The following TSPAN9 variants were observed in gnomAD, a reference collection of about 807,000 sequenced individuals.
TSPAN9 encodes tetraspanin 9.
TSPAN9 carries 16 observed loss-of-function variants against 31.0 expected under a neutral mutation model. That is an observed-to-expected ratio of 0.52 (90% CI 0.35 to 0.78). The LOEUF (loss-of-function observed/expected upper bound fraction) is 0.78, where lower values mean the gene tolerates loss of function less well. Ranked by LOEUF, TSPAN9 falls within the 30% of genes least tolerant of loss-of-function variation. The pLI is 0.01. For missense variants in TSPAN9, 272 were observed against 312.5 expected (o/e 0.87, Z 0.98); for synonymous variants, 145 against 121.6 (o/e 1.19, Z -1.27).
At chr12:3,242,826 T>C (rs1217587809) in intron 3 of TSPAN9, among the ~76,000 whole-genome samples, 2 of 152,254 alleles carry the variant, frequency 1.3e-5, no homozygotes, top group Non-Finnish European at 2.9e-5. Flanking sequence ...TTCTGGTTTC[T>C]TTCCTCCCAG....
intron 2 of TSPAN9, among the ~76,000 whole-genome samples, chr12:3,109,221 C>T (rs1318553863): frequency 6.7e-6 from 1 of 150,048 alleles, no homozygotes; most frequent in Non-Finnish European, 1.5e-5. Flanking sequence ...CAGGTGTGAG[C>T]CACCGCTCCT....
chr12:3,153,149 T>C (rs892671459), intron 2 of TSPAN9, among the ~76,000 whole-genome samples: 1 of 152,210 alleles, frequency 6.6e-6, no homozygotes, highest in Non-Finnish European at 1.5e-5. Context: ...TCCTTGTGCC[T>C]TACCCCTGTG....
chr12:3,093,776 C>A (rs998513898), intron 2 of TSPAN9, among the ~76,000 whole-genome samples: 5 of 152,192 alleles, frequency 3.3e-5, no homozygotes, highest in Non-Finnish European at 7.3e-5. Flanking sequence ...CTGGTGGAAC[C>A]CCTGCCGTTA....
Position 3,082,238 on chromosome 12 carries a change from G to T in TSPAN9, c.-84-1415G>T, listed in dbSNP as rs1184404536. Among the ~76,000 whole-genome samples, 3 of 152,192 alleles carry T rather than the reference G, an allele frequency of 2.0e-5. No individual in the cohort carries two copies. The East Asian group carries it at 5.8e-4, about 29-fold the overall frequency. On this transcript the variant is annotated intron_variant, in intron 1 of 8. Coordinates refer to ENST00000011898, the MANE Select transcript of TSPAN9 (RefSeq NM_006675.5). Reference sequence around the variant, plus strand: ...GTGGTGGTGGACATGAACCCCGGAGGGGAGCTTGCATTTCAACAGAAGGAG... The same window carrying T: ...GTGGTGGTGGACATGAACCCCGGAGTGGAGCTTGCATTTCAACAGAAGGAG...
intron 2 of TSPAN9, among the ~76,000 whole-genome samples, chr12:3,122,629 A>G (rs988731935): frequency 6.6e-6 from 1 of 152,010 alleles, no homozygotes; most frequent in Admixed American, 6.5e-5. Context: ...TAGATAAGGA[A>G]GTTGGCAAGA....
At chr12:3,148,008 G>A (rs1046518365) in intron 2 of TSPAN9, among the ~76,000 whole-genome samples, 2 of 152,290 alleles carry the variant, frequency 1.3e-5, no homozygotes, top group South Asian at 2.1e-4. Flanking sequence ...AGGGGAGAAG[G>A]AGGAGAGAAG....
At chr12:3,175,955 C>T (rs2098355307) in intron 2 of TSPAN9, among the ~76,000 whole-genome samples, 1 of 152,206 alleles carries the variant, frequency 6.6e-6, no homozygotes, top group Non-Finnish European at 1.5e-5. Flanking sequence ...CACTGCTCAG[C>T]CCTGCCTGTA....
At chr12:3,171,411 A>C (rs1297563731) in intron 2 of TSPAN9, among the ~76,000 whole-genome samples, 1 of 152,032 alleles carries the variant, frequency 6.6e-6, no homozygotes, top group East Asian at 1.9e-4. Flanking sequence ...CTCTCTTCTC[A>C]TGTTTTCCAT....
chr12:3,232,629 G>A (rs971211887), intron 3 of TSPAN9, among the ~76,000 whole-genome samples: 3 of 152,238 alleles, frequency 2.0e-5, no homozygotes, highest in African/African-American at 4.8e-5. Context: ...TACCTCTAGC[G>A]ACTGAGTTTG....
chr12:3,124,405 G>A (rs1183041208), intron 2 of TSPAN9, among the ~76,000 whole-genome samples: 1 of 151,870 alleles, frequency 6.6e-6, no homozygotes, highest in Non-Finnish European at 1.5e-5. Context: ...TCTAACAATA[G>A]AAAATTAGTT....
intron 2 of TSPAN9, among the ~76,000 whole-genome samples, chr12:3,146,113 A>G (rs557838049): frequency 2.0e-5 from 3 of 152,326 alleles, no homozygotes; most frequent in South Asian, 2.1e-4. Flanking sequence ...CAGTCTTGTC[A>G]TCTGTAAAAT....
At chr12:3,257,701 C>A (rs574954444) in intron 3 of TSPAN9, among the ~76,000 whole-genome samples, 1 of 151,540 alleles carries the variant, frequency 6.6e-6, no homozygotes, top group African/African-American at 2.4e-5. Flanking sequence ...CCTGTTCTCA[C>A]ACCCTTTCTA....
intron 2 of TSPAN9, among the ~76,000 whole-genome samples, chr12:3,117,528 C>T (rs1334706234): frequency 6.6e-6 from 1 of 151,898 alleles, no homozygotes; most frequent in Admixed American, 6.6e-5. Flanking sequence ...GGGGTAAAAA[C>T]CTCATCATTT....
intron 3 of TSPAN9, among the ~76,000 whole-genome samples, chr12:3,273,453 C>A (rs1383770817): frequency 6.6e-6 from 1 of 152,166 alleles, no homozygotes; most frequent in Non-Finnish European, 1.5e-5. Context: ...CGGGTTGGTG[C>A]TAGCATTGCC....
At chr12:3,199,994 C>T (rs2098370375) in intron 2 of TSPAN9, 1 of 152,440 alleles carries the variant, frequency 6.6e-6, no homozygotes. Context: ...CCCTCCAGTC[C>T]TTCTCCCCAG....
At chr12:3,095,578 G>A (rs1591625282) in intron 2 of TSPAN9, among the ~76,000 whole-genome samples, 2 of 129,798 alleles carry the variant, frequency 1.5e-5, no homozygotes, top group African/African-American at 2.8e-5. Flanking sequence ...AGGGGCGGCC[G>A]GGCAGAGGCG....
rs147689442 is a variant in TSPAN9, at chr12:3,141,454, C to T, written c.-18+57735C>T. On this transcript the variant is annotated intron_variant, in intron 2 of 8. Coordinates refer to ENST00000011898, the MANE Select transcript of TSPAN9 (RefSeq NM_006675.5). ...CTGGTCTCTGCCAGCTCACCTTCCT[C>T]CTGCCCCGGGCCCTGCTCCTCTGAG... Among the ~76,000 whole-genome samples the T allele has an allele frequency of 3.5e-3, 533 of 152,274 alleles. 2 individuals carry two copies. Among genetic ancestry groups the T allele is most frequent in the African/African-American group, 0.012 (499 of 41,544 alleles).
intron 2 of TSPAN9, among the ~76,000 whole-genome samples, chr12:3,190,335 T>C (rs1391573567): frequency 6.6e-6 from 1 of 152,222 alleles, no homozygotes; most frequent in Non-Finnish European, 1.5e-5. Context: ...GCAGGCTTCA[T>C]CACACTTCCG....
At chr12:3,224,475 C>T (rs966106298) in intron 3 of TSPAN9, among the ~76,000 whole-genome samples, 25 of 152,358 alleles carry the variant, frequency 1.6e-4, no homozygotes, top group African/African-American at 2.4e-5. Context: ...AGGAAAGGAG[C>T]TTGGCTGGGA....
Sources: allele counts gnomAD v4.1 joint callset (sites outside exome capture counted in the v4.1 genomes callset), GRCh38; gene constraint gnomAD v4.1.1; transcripts MANE v1.5; gene names NCBI Gene and HGNC (gene_info 2026-07-23, HGNC 2026-07-21).